The following ADARB2 variants were observed in gnomAD, a reference collection of about 807,000 sequenced individuals.
The protein encoded by ADARB2 is adenosine deaminase RNA specific B2 (inactive).
A neutral mutation model predicts 62.2 loss-of-function variants in ADARB2; 25 were observed. The observed-to-expected ratio is 0.40, with a 90% confidence interval of 0.29 to 0.56. The LOEUF (loss-of-function observed/expected upper bound fraction) is 0.56, where lower values mean the gene tolerates loss of function less well. Among genes scored for constraint, ADARB2 ranks in the 20% least tolerant of loss-of-function variants. ADARB2 has a pLI of 0.43. For missense variants in ADARB2, 1,071 were observed against 1,077.4 expected (o/e 0.99, Z 0.08); for synonymous variants, 572 against 500.8 (o/e 1.14, Z -1.90).
chr10:1,481,633 C>A (rs181194181), intron 1 of ADARB2, among the ~76,000 whole-genome samples: 9,247 of 39,410 alleles, frequency 0.23, 350 homozygotes, highest in Non-Finnish European at 0.48. Flanking sequence ...CTGAAGTGTG[C>A]GGATCACGAG....
chr10:1,474,272 G>T (rs915995852), intron 1 of ADARB2, among the ~76,000 whole-genome samples: 1 of 152,226 alleles, frequency 6.6e-6, no homozygotes, highest in African/African-American at 2.4e-5. Flanking sequence ...GAAATCGAGG[G>T]TAAAACTCGT....
intron 3 of ADARB2, among the ~76,000 whole-genome samples, chr10:1,320,451 A>G (rs900309619): frequency 6.6e-6 from 1 of 152,220 alleles, no homozygotes; most frequent in Non-Finnish European, 1.5e-5. Context: ...GGAGGCCAGT[A>G]TCTGAGCTCA....
chr10:1,373,563 T>A (rs1832393194), intron 2 of ADARB2, among the ~76,000 whole-genome samples: 1 of 152,162 alleles, frequency 6.6e-6, no homozygotes, highest in African/African-American at 2.4e-5. Flanking sequence ...GTGTGCATTA[T>A]GTATACTTTG....
At chr10:1,343,842 G>A (rs1832054136) in intron 3 of ADARB2, among the ~76,000 whole-genome samples, 1 of 152,128 alleles carries the variant, frequency 6.6e-6, no homozygotes, top group Admixed American at 6.5e-5. Context: ...GGCCACAAAT[G>A]GGGGAGCAAC....
intron 3 of ADARB2, among the ~76,000 whole-genome samples, chr10:1,347,769 A>G (rs551366272): frequency 6.6e-6 from 1 of 152,338 alleles, no homozygotes; most frequent in Admixed American, 6.5e-5. Flanking sequence ...TACGCAGTGC[A>G]CCGAAGGCAC....
At chr10:1,564,264 C>T (rs1321466725) in intron 1 of ADARB2, among the ~76,000 whole-genome samples, 2 of 152,186 alleles carry the variant, frequency 1.3e-5, no homozygotes, top group African/African-American at 4.8e-5. Flanking sequence ...AAAAGTGTTC[C>T]TATTTCTCCA....
chr10:1,276,152 A>G (rs1199834741), intron 3 of ADARB2, among the ~76,000 whole-genome samples: 1 of 152,042 alleles, frequency 6.6e-6, no homozygotes, highest in Non-Finnish European at 1.5e-5. Context: ...ATTTCTCCAC[A>G]TCCTCTCCAG....
chr10:1,370,148 A>C (rs1196334375), intron 2 of ADARB2, among the ~76,000 whole-genome samples: 1 of 152,258 alleles, frequency 6.6e-6, no homozygotes, highest in African/African-American at 2.4e-5. Flanking sequence ...ATGAATCCGC[A>C]TCTACAAATC....
intron 1 of ADARB2, among the ~76,000 whole-genome samples, chr10:1,653,887 G>T (rs974159441): frequency 6.6e-6 from 1 of 152,132 alleles, no homozygotes; most frequent in Non-Finnish European, 1.5e-5. Context: ...TTGAAAGGCC[G>T]CCTTGCCCCA....
intron 1 of ADARB2, among the ~76,000 whole-genome samples, chr10:1,651,245 G>A (rs1284735729): frequency 4.6e-5 from 7 of 152,210 alleles, no homozygotes; most frequent in Admixed American, 4.6e-4. Context: ...GCTCCATTAG[G>A]AACCACCCTG....
chr10:1,424,779 T>C (rs1251960571), intron 1 of ADARB2, among the ~76,000 whole-genome samples: 2 of 152,216 alleles, frequency 1.3e-5, no homozygotes, highest in Non-Finnish European at 2.9e-5. Flanking sequence ...ACTAATTTGT[T>C]TGTCAGTGTC....
chr10:1,641,920 G>A (rs915136609), intron 1 of ADARB2, among the ~76,000 whole-genome samples: 1 of 152,142 alleles, frequency 6.6e-6, no homozygotes, highest in Non-Finnish European at 1.5e-5. Flanking sequence ...GGCTGAGGCA[G>A]GAGAATCACT....
At chr10:1,584,164 G>A (rs578004068) in intron 1 of ADARB2, among the ~76,000 whole-genome samples, 18 of 152,102 alleles carry the variant, frequency 1.2e-4, no homozygotes, top group Admixed American at 2.0e-4. Flanking sequence ...ACTTGTGCAC[G>A]GTAGAACCCA....
intron 1 of ADARB2, among the ~76,000 whole-genome samples, chr10:1,429,478 A>G (rs1019803353): frequency 6.6e-6 from 1 of 152,222 alleles, no homozygotes; most frequent in Non-Finnish European, 1.5e-5. Context: ...TAAAGAGAAT[A>G]TGGTAAAATA....
At chr10:1,658,511 C>T (rs566384353) in intron 1 of ADARB2, among the ~76,000 whole-genome samples, 1 of 152,066 alleles carries the variant, frequency 6.6e-6, no homozygotes, top group South Asian at 2.1e-4. Context: ...CTGTCTCTAT[C>T]TGATTCTGCC....
intron 3 of ADARB2, among the ~76,000 whole-genome samples, chr10:1,285,275 A>G (rs913937339): frequency 2.0e-5 from 3 of 151,660 alleles, no homozygotes; most frequent in African/African-American, 7.3e-5. Flanking sequence ...CTCCCAGGAA[A>G]GAGCTCACAC....
chr10:1,530,030 C>T (rs77020640), intron 1 of ADARB2, among the ~76,000 whole-genome samples: 2 of 149,138 alleles, frequency 1.3e-5, no homozygotes, highest in East Asian at 4.0e-4. Context: ...GGCACCTGTC[C>T]ACTACCTCAT....
In ADARB2 at chr10:1,589,527, C is replaced by T. The variant is rs113593321; in HGVS notation, c.100+147524G>A. ...ACGGTCGGGGCGTCCATGGTCCAGG[C>T]GTCCACAGTCTGGGCATCCAGCTCC... On this transcript the variant is annotated intron_variant, in intron 1 of 9. Transcript: ENST00000381312. 5.4e-3 allele frequency among the ~76,000 whole-genome samples: 825 copies of T among 152,282 alleles called. 2 individuals are homozygous for T. The highest frequency in any genetic ancestry group is 0.018 in the African/African-American group (764 of 41,566).
chr10:1,545,780 C>A (rs189087166), intron 1 of ADARB2, among the ~76,000 whole-genome samples: 5 of 152,120 alleles, frequency 3.3e-5, no homozygotes, highest in Admixed American at 6.5e-5. Flanking sequence ...TGAGGGCGCA[C>A]GGGGCATGTA....
Sources: allele counts gnomAD v4.1 joint callset (sites outside exome capture counted in the v4.1 genomes callset), GRCh38; gene constraint gnomAD v4.1.1; transcripts MANE v1.5; gene names NCBI Gene and HGNC (gene_info 2026-07-23, HGNC 2026-07-21).